GPR158: variants seen among roughly 807,000 people sequenced by gnomAD.
The protein encoded by GPR158 is G protein-coupled receptor 158.
A neutral mutation model predicts 78.2 loss-of-function variants in GPR158; 30 were observed. That is an observed-to-expected ratio of 0.38 (90% CI 0.29 to 0.52). The LOEUF (loss-of-function observed/expected upper bound fraction) is 0.52, where lower values mean the gene tolerates loss of function less well. GPR158 is among the 20% of genes least tolerant of loss of function. The pLI, the probability that GPR158 is intolerant of heterozygous loss-of-function variation, is 0.83. For missense variants in GPR158, 1,463 were observed against 1,523.5 expected (o/e 0.96, Z 0.66); for synonymous variants, 581 against 591.1 (o/e 0.98, Z 0.25).
chr10:25,574,934 G>A (rs1048040835), intron 7 of GPR158, among the ~76,000 whole-genome samples: 1 of 152,078 alleles, frequency 6.6e-6, no homozygotes. Flanking sequence ...AGGGGCAGTG[G>A]CTCACACCTG....
At chr10:25,341,192 A>G (rs1283604495) in intron 2 of GPR158, among the ~76,000 whole-genome samples, 1 of 152,010 alleles carries the variant, frequency 6.6e-6, no homozygotes, top group Non-Finnish European at 1.5e-5. Context: ...GAAAATATTA[A>G]TGGGTATTCT....
Position 25,572,588 on chromosome 10 carries a change from T to G in GPR158, c.1515-61T>G, listed in dbSNP as rs1837022784. On this transcript the variant is annotated intron_variant, in intron 6 of 10. Coordinates refer to ENST00000376351, the MANE Select transcript of GPR158 (RefSeq NM_020752.3). ...CATTTTACCTAGAAAAATAAGTTAT[T>G]TTAGAGTTATACTTTCTGAATGTTA... 6 of 1,054,898 alleles carry G rather than the reference T, an allele frequency of 5.7e-6. No individual in the cohort carries two copies. The Admixed American group carries it at 8.7e-5, about 15-fold the overall frequency. 65.3% of individuals were successfully genotyped at this position (1,054,898 alleles called of 1,614,324 possible). A position where few individuals can be genotyped will look rare whatever the true frequency, so the allele number is the denominator to read the frequency against.
At chr10:25,310,729 T>C (rs1382874360) in intron 2 of GPR158, among the ~76,000 whole-genome samples, 1 of 152,112 alleles carries the variant, frequency 6.6e-6, no homozygotes, top group African/African-American at 2.4e-5. Flanking sequence ...TTTATAACTT[T>C]AGTTTTTGAA....
At chr10:25,328,571 A>G (rs1209486031) in intron 2 of GPR158, among the ~76,000 whole-genome samples, 1 of 152,170 alleles carries the variant, frequency 6.6e-6, no homozygotes. Flanking sequence ...TTAATGACTT[A>G]AAAGTCAATG....
At chr10:25,519,565 C>T (rs1018492127) in intron 5 of GPR158, among the ~76,000 whole-genome samples, 11 of 141,804 alleles carry the variant, frequency 7.8e-5, no homozygotes, top group East Asian at 6.1e-4. Context: ...TTAGGGCAGG[C>T]CTGGTGGTGA....
chr10:25,570,740 C>T (rs1264431409), intron 6 of GPR158, among the ~76,000 whole-genome samples: 1 of 152,046 alleles, frequency 6.6e-6, no homozygotes, highest in Non-Finnish European at 1.5e-5. Context: ...CATGGTGAAA[C>T]CCCGTTTCTA....
intron 2 of GPR158, among the ~76,000 whole-genome samples, chr10:25,246,793 A>T (rs1054632823): frequency 4.6e-5 from 7 of 152,228 alleles, no homozygotes; most frequent in Non-Finnish European, 1.0e-4. Flanking sequence ...CAGCTGATTG[A>T]TAAGAAGGAT....
intron 5 of GPR158, among the ~76,000 whole-genome samples, chr10:25,499,710 C>T (rs1220148598): frequency 2.6e-5 from 4 of 152,118 alleles, no homozygotes; most frequent in Non-Finnish European, 4.4e-5. Context: ...TGACATGTGA[C>T]AAAAGAAATA....
At chr10:25,484,890 C>G (rs919459980) in intron 5 of GPR158, among the ~76,000 whole-genome samples, 4 of 152,086 alleles carry the variant, frequency 2.6e-5, no homozygotes, top group Non-Finnish European at 2.9e-5. Context: ...AATTAAAAGG[C>G]TAACAATCTA....
chr10:25,530,569 C>T (rs936883275), intron 5 of GPR158, among the ~76,000 whole-genome samples: 2 of 152,096 alleles, frequency 1.3e-5, no homozygotes, highest in African/African-American at 2.4e-5. Flanking sequence ...CTAGTGAGTC[C>T]GCAACAGGCA....
rs894815531 is a variant in GPR158, at chr10:25,241,384, C to T, written c.1008+20227C>T. On this transcript the variant is annotated intron_variant, in intron 2 of 10. Coordinates refer to ENST00000376351, the MANE Select transcript of GPR158 (RefSeq NM_020752.3). ...TCTCTTTTCTTTTCTCTCTTCTCTT[C>T]TCTTCTCTTCTCTTCTCTTCTCTTC... Among the ~76,000 whole-genome samples the T allele has an allele frequency of 1.4e-4, 18 of 131,554 alleles. 1 individual carries two copies. Among genetic ancestry groups the T allele is most frequent in the African/African-American group, 5.9e-4 (18 of 30,396 alleles). The allele number at this position is 131,554 out of a possible 152,430, so 86.3% of individuals were successfully genotyped here. A position where few individuals can be genotyped will look rare whatever the true frequency, so the allele number is the denominator to read the frequency against.
chr10:25,568,065 G>A (rs779378627), intron 6 of GPR158, among the ~76,000 whole-genome samples: 7 of 152,190 alleles, frequency 4.6e-5, no homozygotes, highest in Non-Finnish European at 1.0e-4. Context: ...TGTACAGTTA[G>A]ATAGGGCTGT....
chr10:25,307,038 GAGGGAAAGAGAGA>G (rs1168347193), intron 2 of GPR158, among the ~76,000 whole-genome samples: 1 of 151,506 alleles, frequency 6.6e-6, no homozygotes, highest in African/African-American at 2.4e-5. Context: ...GAGAGAGAGA[GAGGGAAAGAGAGA>G]GGAAAGAAAG....
At chr10:25,200,205 A>G (rs1417221388) in intron 1 of GPR158, among the ~76,000 whole-genome samples, 2 of 152,174 alleles carry the variant, frequency 1.3e-5, no homozygotes, top group African/African-American at 4.8e-5. Flanking sequence ...AATAACAGCC[A>G]TTCTGACTGG....
At chr10:25,382,160 T>TACAAAG (rs1564439836) in intron 2 of GPR158, among the ~76,000 whole-genome samples, 1 of 152,198 alleles carries the variant, frequency 6.6e-6, no homozygotes, top group Non-Finnish European at 1.5e-5. Flanking sequence ...GTGTCGAACA[T>TACAAAG]ACAAAGAATT....
chr10:25,358,695 A>G (rs1457046140), intron 2 of GPR158, among the ~76,000 whole-genome samples: 2 of 152,102 alleles, frequency 1.3e-5, no homozygotes, highest in East Asian at 1.9e-4. Context: ...GCCCAGTCTC[A>G]GGTATGTCTT....
At chr10:25,254,287 T>A in intron 2 of GPR158, among the ~76,000 whole-genome samples, 1 of 152,190 alleles carries the variant, frequency 6.6e-6, no homozygotes, top group East Asian at 1.9e-4. Context: ...TTTTTCTTCA[T>A]GGCAAAACAG....
At chr10:25,291,379 C>T (rs1564412433) in intron 2 of GPR158, among the ~76,000 whole-genome samples, 1 of 151,962 alleles carries the variant, frequency 6.6e-6, no homozygotes, top group Non-Finnish European at 1.5e-5. Flanking sequence ...TAGATTAAAA[C>T]ATATCAGTTG....
chr10:25,285,088 G>GTGTA (rs1554790549), intron 2 of GPR158, among the ~76,000 whole-genome samples: 1 of 151,754 alleles, frequency 6.6e-6, no homozygotes, highest in Non-Finnish European at 1.5e-5. Flanking sequence ...GTGTGTGTGT[G>GTGTA]TGTATGCATG....
Sources: allele counts gnomAD v4.1 joint callset (sites outside exome capture counted in the v4.1 genomes callset), GRCh38; gene constraint gnomAD v4.1.1; transcripts MANE v1.5; gene names NCBI Gene and HGNC (gene_info 2026-07-23, HGNC 2026-07-21).